SAMMSON: variants seen among roughly 807,000 people sequenced by gnomAD.
The protein encoded by SAMMSON is long intergenic non-protein coding RNA 1212.
intron 9 of SAMMSON, among the ~76,000 whole-genome samples, chr3:70,369,967 C>G (rs1702953245): frequency 6.6e-6 from 1 of 151,810 alleles, no homozygotes; most frequent in Non-Finnish European, 1.5e-5. Context: ...TATCCTTCCC[C>G]TTTCATTCCC....
chr3:70,368,039 A>G (rs567633936), intron 9 of SAMMSON, among the ~76,000 whole-genome samples: 1 of 151,162 alleles, frequency 6.6e-6, no homozygotes, highest in South Asian at 2.1e-4. Flanking sequence ...TTTTCTGCAA[A>G]TATTTCTTCC....
intron 9 of SAMMSON, among the ~76,000 whole-genome samples, chr3:70,363,800 C>CTGTG (rs10542257): frequency 2.3e-4 from 34 of 146,840 alleles, no homozygotes; most frequent in African/African-American, 5.7e-4. Flanking sequence ...ATTGCATTGT[C>CTGTG]TGTGTGTGTG....
intron 3 of SAMMSON, among the ~76,000 whole-genome samples, chr3:70,036,804 T>C (rs920166717): frequency 6.6e-6 from 1 of 152,052 alleles, no homozygotes; most frequent in African/African-American, 2.4e-5. Flanking sequence ...CTCTTTCTGC[T>C]TGCTCTATAT....
chr3:70,217,361 A>T (rs1301498410), intron 4 of SAMMSON, among the ~76,000 whole-genome samples: 1 of 152,130 alleles, frequency 6.6e-6, no homozygotes, highest in Non-Finnish European at 1.5e-5. Context: ...TGATTTGTGT[A>T]GGTTGAATTA....
rs1702199286 is a variant in SAMMSON at position 70,289,106 on chromosome 3, T to A, written n.675-2073T>A. Reference sequence around the variant, plus strand: ...TGTGTATTTGATCCTGTCATTTTGATGTTAGCTGGTGATTTTGCTCGTTAG... The same window carrying A: ...TGTGTATTTGATCCTGTCATTTTGAAGTTAGCTGGTGATTTTGCTCGTTAG... On this transcript the variant is annotated intron_variant and non_coding_transcript_variant, in intron 6 of 9. Coordinates refer to ENST00000642114, the Ensembl canonical transcript of SAMMSON. 3.3e-5 allele frequency among the ~76,000 whole-genome samples: 5 copies of A among 152,188 alleles called. No individual in the cohort carries two copies. In the South Asian group the frequency reaches 1.0e-3, roughly 32 times the overall value.
chr3:70,104,381 A>G (rs1419006312), intron 4 of SAMMSON, among the ~76,000 whole-genome samples: 1 of 152,032 alleles, frequency 6.6e-6, no homozygotes, highest in East Asian at 1.9e-4. Flanking sequence ...TATTTTAACC[A>G]GTGAGTGAAA....
chr3:70,261,505 A>G (rs1701866723), intron 6 of SAMMSON, among the ~76,000 whole-genome samples: 1 of 152,282 alleles, frequency 6.6e-6, no homozygotes, highest in Admixed American at 6.5e-5. Context: ...ATCCTGATTA[A>G]TAATTACATT....
At chr3:70,143,932 A>G (rs561227854) in intron 4 of SAMMSON, among the ~76,000 whole-genome samples, 1 of 152,148 alleles carries the variant, frequency 6.6e-6, no homozygotes, top group South Asian at 2.1e-4. Flanking sequence ...TTATTTGTAG[A>G]CCTTTATAAG....
chr3:70,280,649 C>T (rs1702073083), intron 6 of SAMMSON, among the ~76,000 whole-genome samples: 1 of 152,136 alleles, frequency 6.6e-6, no homozygotes, highest in Non-Finnish European at 1.5e-5. Flanking sequence ...GTCTCATTCT[C>T]CTCTGAGGCT....
intron 4 of SAMMSON, among the ~76,000 whole-genome samples, chr3:70,157,689 G>A (rs560609063): frequency 6.6e-6 from 1 of 152,220 alleles, no homozygotes; most frequent in African/African-American, 2.4e-5. Flanking sequence ...TGAAAATGTA[G>A]CTAATGATTT....
chr3:70,301,035 C>A (rs1702343591), intron 7 of SAMMSON, among the ~76,000 whole-genome samples: 1 of 151,998 alleles, frequency 6.6e-6, no homozygotes, highest in South Asian at 2.1e-4. Context: ...TACCTCCGCT[C>A]TTTATGTTAT....
intron 4 of SAMMSON, among the ~76,000 whole-genome samples, chr3:70,242,981 C>T (rs944818643): frequency 1.3e-5 from 2 of 152,164 alleles, no homozygotes; most frequent in Non-Finnish European, 2.9e-5. Flanking sequence ...AACCTAAATA[C>T]TAATTTCCCA....
intron 6 of SAMMSON, among the ~76,000 whole-genome samples, chr3:70,288,587 G>T (rs9824094): frequency 0.05 from 7,346 of 147,824 alleles, 501 homozygotes; most frequent in East Asian, 0.34. Context: ...ACTTGCTGCA[G>T]AGCTGAGTTC....
intron 3 of SAMMSON, among the ~76,000 whole-genome samples, chr3:70,055,321 A>G (rs980531132): frequency 1.3e-5 from 2 of 152,184 alleles, no homozygotes; most frequent in African/African-American, 2.4e-5. Flanking sequence ...ATTTGACTTC[A>G]AGCTACTAGA....
In SAMMSON at chr3:70,303,055, G is replaced by A. The variant is rs1298066493; in HGVS notation, n.739+11812G>A. Reference sequence around the variant, plus strand: ...AAATGATTTTGACATTTGAACTTCAGTAGAAGGCCAATACATTTAAAGTAA... The same window carrying A: ...AAATGATTTTGACATTTGAACTTCAATAGAAGGCCAATACATTTAAAGTAA... On this transcript the variant is annotated intron_variant and non_coding_transcript_variant, in intron 7 of 9. Coordinates refer to ENST00000642114, the Ensembl canonical transcript of SAMMSON. Among the ~76,000 whole-genome samples the A allele has an allele frequency of 2.6e-5, 4 of 152,278 alleles. 1 individual carries two copies. The highest frequency in any genetic ancestry group is 4.2e-4 in the South Asian group (2 of 4,816).
At chr3:70,003,685 G>A (rs181032736) in intron 1 of SAMMSON, among the ~76,000 whole-genome samples, 59 of 149,942 alleles carry the variant, frequency 3.9e-4, no homozygotes, top group Non-Finnish European at 3.1e-4. Context: ...TGTACATTCA[G>A]TATTCATTTT....
At chr3:70,328,963 G>C (rs1575626857) in intron 7 of SAMMSON, among the ~76,000 whole-genome samples, 1 of 152,182 alleles carries the variant, frequency 6.6e-6, no homozygotes, top group East Asian at 1.9e-4. Flanking sequence ...AAAGATAAAT[G>C]ACAACAGACA....
chr3:70,300,868 T>C (rs1702341794), intron 7 of SAMMSON, among the ~76,000 whole-genome samples: 1 of 152,066 alleles, frequency 6.6e-6, no homozygotes, highest in African/African-American at 2.4e-5. Context: ...AAGGTATTCA[T>C]GTCCTATAAA....
chr3:70,209,611 T>C (rs7430272), intron 4 of SAMMSON, among the ~76,000 whole-genome samples: 89,341 of 151,886 alleles, frequency 0.59, 27,882 homozygotes, highest in Admixed American at 0.69. Flanking sequence ...CCTTATTCAG[T>C]AGTAGAACTG....
Sources: gnomAD v4.1 joint callset for allele counts (sites outside exome capture counted in the v4.1 genomes callset) on GRCh38, gnomAD v4.1.1 for gene constraint, MANE v1.5 for transcripts, NCBI Gene and HGNC (gene_info 2026-07-23, HGNC 2026-07-21) for gene names.